The following AP3D1 variants were observed in gnomAD, a reference collection of about 807,000 sequenced individuals.
AP3D1 encodes the protein adaptor related protein complex 3 subunit delta 1.
AP3D1 carries 51 observed loss-of-function variants against 147.6 expected under a neutral mutation model. The ratio of observed to expected loss-of-function variants is 0.35; its 90% CI spans 0.28 to 0.44. AP3D1 has a LOEUF of 0.44. Ranked by LOEUF, AP3D1 falls within the 20% of genes least tolerant of loss-of-function variation. The pLI is 1.00. For missense variants in AP3D1, 1,421 were observed against 1,624.2 expected, an observed-to-expected ratio of 0.87 and a Z score of 2.15; for synonymous variants, 760 against 663.0, an observed-to-expected ratio of 1.15 and a Z score of -2.25.
At chr19:2,149,426 C>T (rs1034036034) in intron 1 of AP3D1, among the ~76,000 whole-genome samples, 9 of 151,926 alleles carry the variant, frequency 5.9e-5, no homozygotes, top group Non-Finnish European at 1.0e-4. Flanking sequence ...TGCCTGTAAT[C>T]CCAGCTACTC....
At chr19:2,151,195 G>C (rs756298821) in intron 1 of AP3D1, 44 bp downstream of exon 1, 1 of 1,578,062 alleles carries the variant, frequency 6.3e-7, no homozygotes, top group Admixed American at 1.7e-5. Context: ...CCCTGGGCCG[G>C]GGCTGTGACC....
intron 1 of AP3D1, among the ~76,000 whole-genome samples, chr19:2,140,758 T>TA (rs1390100973): frequency 1.8e-5 from 2 of 113,842 alleles, no homozygotes; most frequent in African/African-American, 7.7e-5. Flanking sequence ...CAAACGTCTT[T>TA]TTTTTTTTTT....
At chr19:2,143,669 A>G (rs1472101618) in intron 1 of AP3D1, among the ~76,000 whole-genome samples, 2 of 152,024 alleles carry the variant, frequency 1.3e-5, no homozygotes, top group Non-Finnish European at 2.9e-5. Context: ...TGCAAGGTTG[A>G]GGTAAGAGGA....
Position 2,113,384 on chromosome 19 carries a change from G to T in AP3D1, c.2631C>A (p.Thr877=), listed in dbSNP as rs902375060. ...KAEDLDFWLS[T]TPPPAPAPAP... ...CGGGGGCGGGGGCAGGCGGTGGGGT[G>T]GTAGACAGCCAGAAGTCCAGGTCCT... The change falls in exon 23 of 32, where the codon ACC becomes ACA. Residue 877 remains threonine, a synonymous_variant. Transcript: ENST00000643116. 10 of 1,472,490 alleles carry T rather than the reference G, an allele frequency of 6.8e-6. No homozygotes were observed. The highest frequency in any genetic ancestry group is 9.0e-6 in the Non-Finnish European group (10 of 1,115,582). The allele number at this position is 1,472,490 out of a possible 1,614,324, so 91.2% of individuals were successfully genotyped here. A position where few individuals can be genotyped will look rare whatever the true frequency, so the allele number is the denominator to read the frequency against.
intron 1 of AP3D1, among the ~76,000 whole-genome samples, chr19:2,139,332 T>C (rs1203301156): frequency 1.3e-5 from 2 of 152,260 alleles, no homozygotes; most frequent in African/African-American, 4.8e-5. Context: ...TGTGGGGCCT[T>C]CCCACCTTCA....
In AP3D1 at chr19:2,111,688, C is replaced by A; in HGVS notation, c.2928G>T (p.Glu976Asp). The A allele has an allele frequency of 6.3e-7, 1 of 1,591,924 alleles. No individual in the cohort carries two copies. The highest frequency in any genetic ancestry group is 8.5e-7 in the Non-Finnish European group (1 of 1,171,576). ...EPVQNGAPEE[E>D]QLPPESSYSL... ...CTGAAGTACCCCTCACCGGGAGCTGCTCCTCCTCTGGCGCGCCATTCTGCA... is the reference window on the plus strand; with the variant it reads ...CTGAAGTACCCCTCACCGGGAGCTGATCCTCCTCTGGCGCGCCATTCTGCA... Residue 976 changes from glutamate to aspartate, a missense_variant, in exon 25 of 32, where the codon GAG (glutamate) becomes GAT (aspartate). Physicochemically the swap from Glu to Asp is conservative, Grantham distance 45. This residue lies in a region of AP3D1 where 791 missense variants were observed against 761.4 expected (regional missense o/e 1.04). Transcript: ENST00000643116.
intron 23 of AP3D1, 116 bp downstream of exon 23, chr19:2,113,220 G>A (rs937036037): frequency 3.0e-6 from 2 of 661,756 alleles, no homozygotes; most frequent in Admixed American, 3.0e-5. Flanking sequence ...TCCCACAGGT[G>A]CACGGTGCTG....
intron 1 of AP3D1, among the ~76,000 whole-genome samples, chr19:2,157,524 C>CCCATCCAT (rs142566326): frequency 9.4e-5 from 14 of 148,666 alleles, no homozygotes; most frequent in African/African-American, 2.5e-4. Context: ...CATACAGTAA[C>CCCATCCAT]CCATCCATCC....
intron 9 of AP3D1, among the ~76,000 whole-genome samples, chr19:2,124,874 G>A (rs147423531): frequency 2.6e-5 from 4 of 152,242 alleles, no homozygotes; most frequent in African/African-American, 7.2e-5. Context: ...GGGAGGCAGA[G>A]GTTGCGGTGA....
At chr19:2,125,931 GA>G (rs1443460364) in intron 9 of AP3D1, among the ~76,000 whole-genome samples, 2 of 151,998 alleles carry the variant, frequency 1.3e-5, no homozygotes, top group East Asian at 3.9e-4. Flanking sequence ...AGGATGGCTT[GA>G]GCCCAGGAGT....
intron 1 of AP3D1, among the ~76,000 whole-genome samples, chr19:2,160,448 C>G (rs535392938): frequency 3.3e-5 from 5 of 151,964 alleles, no homozygotes; most frequent in African/African-American, 4.8e-5. Context: ...AGAATCGAAT[C>G]GCTTGAAACC....
rs746288708 is a variant in AP3D1 at position 2,114,202 on chromosome 19, T to C, written c.2524A>G (p.Lys842Glu). The stretch of plus-strand genomic sequence containing the variant: ...TTTTTCTCTTTCTTCTTGGGTTTCT[T>C]GCTCTTCTTTTCTACCATGGGAACG... ...KDVPMVEKKS[K>E]KPKKKEKKHK... The change falls in exon 22 of 32, where the codon AAG (lysine) becomes GAG (glutamate). Residue 842 changes from lysine (K) to glutamate (E), a missense_variant. Lys to Glu is a moderately conservative substitution (Grantham distance 56, BLOSUM62 1). Around this residue, in one of 6 missense-constraint regions of AP3D1, gnomAD observed 791 missense variants for 761.4 expected, o/e 1.04. Coordinates refer to ENST00000643116, the MANE Select transcript of AP3D1 (RefSeq NM_001261826.3). 64 of 1,611,928 alleles carry C rather than the reference T, an allele frequency of 4.0e-5. No homozygotes were observed. The highest frequency in any genetic ancestry group is 1.6e-4 in the Middle Eastern group (1 of 6,078).
intron 15 of AP3D1, 66 bp downstream of exon 15, chr19:2,118,535 G>A (rs913931940): frequency 3.0e-5 from 44 of 1,468,260 alleles, no homozygotes; most frequent in Admixed American, 1.5e-4. Context: ...CGACCTGGCC[G>A]CCACTGGACA....
chr19:2,111,900 G>C, intron 24 of AP3D1, 72 bp from the exon 25 acceptor site: 1 of 1,602,940 alleles, frequency 6.2e-7, no homozygotes. Context: ...GTGAGGTCAG[G>C]ATCACAGCAG....
At chr19:2,138,165 T>C (rs1205687159) in intron 2 of AP3D1, among the ~76,000 whole-genome samples, 1 of 152,194 alleles carries the variant, frequency 6.6e-6, no homozygotes, top group Non-Finnish European at 1.5e-5. Context: ...ACGAGCCCTT[T>C]GTCTCGTCCT....
upstream of AP3D1, among the ~76,000 whole-genome samples, chr19:2,155,439 C>A (rs1280666683): frequency 2.1e-5 from 3 of 143,388 alleles, no homozygotes; most frequent in Admixed American, 7.7e-5. Context: ...AAGGCTGAGG[C>A]AGGAGAATCA....
intron 31 of AP3D1, among the ~76,000 whole-genome samples, chr19:2,102,875 G>T (rs1051639887): frequency 2.0e-5 from 3 of 152,164 alleles, no homozygotes; most frequent in Admixed American, 6.5e-5. Flanking sequence ...TTGAACCCAG[G>T]GGGTGGAGGT....
In AP3D1 at chr19:2,161,144, A is replaced by G. The variant is rs934285548; in HGVS notation, c.-103+3212T>C. On this transcript the variant is annotated intron_variant, in intron 1 of 14. Transcript: ENST00000643010. ...GGTTTACACTGTCTGGCCCATCAGG[A>G]GCTTCTCCTAGTTTTTTTTTTTTTT... is the stretch of plus-strand genomic sequence containing the variant. Among the ~76,000 whole-genome samples, 10 of 141,926 alleles carry G rather than the reference A, an allele frequency of 7.0e-5. No homozygotes were observed. The East Asian group carries it at 2.0e-3, about 29-fold the overall frequency. The allele number at this position is 141,926 out of a possible 152,430, so 93.1% of individuals were successfully genotyped here.
At chr19:2,135,404 C>T (rs1254962177) in intron 4 of AP3D1, among the ~76,000 whole-genome samples, 4 of 151,818 alleles carry the variant, frequency 2.6e-5, no homozygotes, top group East Asian at 1.9e-4. Flanking sequence ...GGCATGGTGG[C>T]GGGCACCTGT....
Sources: allele counts gnomAD v4.1 joint callset (sites outside exome capture counted in the v4.1 genomes callset), GRCh38; gene constraint gnomAD v4.1.1; regional missense constraint gnomAD v4.1.1; transcripts MANE v1.5; gene names NCBI Gene and HGNC (gene_info 2026-07-23, HGNC 2026-07-21).